Variants in UPRT observed in about 807,000 individuals in gnomAD.
UPRT encodes the protein RP11-311P8.3.
UPRT carries 5 observed loss-of-function variants against 22.6 expected under a neutral mutation model. That is an observed-to-expected ratio of 0.22 (90% CI 0.12 to 0.47). The LOEUF (loss-of-function observed/expected upper bound fraction) is 0.47. UPRT is among the 20% of genes least tolerant of loss of function. UPRT has a pLI of 0.99. For missense variants in UPRT, 181 were observed against 239.9 expected, an observed-to-expected ratio of 0.75 and a Z score of 1.62; for synonymous variants, 77 against 87.7, an observed-to-expected ratio of 0.88 and a Z score of 0.68.
intron 1 of UPRT, among the ~76,000 whole-genome samples, chrX:75,160,004 G>C (rs1374630854): frequency 9.1e-6 from 1 of 110,033 alleles, no homozygotes; most frequent in Non-Finnish European, 1.9e-5. Flanking sequence ...TCCTGACCTC[G>C]TGATCCACCT....
intron 3 of UPRT, among the ~76,000 whole-genome samples, chrX:75,167,698 G>A (rs1205870312): frequency 9.0e-6 from 1 of 110,856 alleles, no homozygotes; most frequent in African/African-American, 3.3e-5. Flanking sequence ...CTTTTGAAAA[G>A]TGTCTGTCCA....
intron 4 of UPRT, among the ~76,000 whole-genome samples, chrX:75,223,648 A>G (rs2082416130): frequency 9.0e-6 from 1 of 111,587 alleles, no homozygotes; most frequent in South Asian, 3.8e-4. Flanking sequence ...GCAAAGTCCC[A>G]CAATCACTGC....
intron 4 of UPRT, among the ~76,000 whole-genome samples, chrX:75,218,130 C>A (rs2082398853): frequency 8.9e-6 from 1 of 111,762 alleles, no homozygotes; most frequent in Admixed American, 9.5e-5. Context: ...ATTTTCACAA[C>A]CTACTCATCT....
At chrX:75,289,566 A>G (rs753836208) in intron 1 of UPRT, among the ~76,000 whole-genome samples, 46 of 111,793 alleles carry the variant, frequency 4.1e-4, no homozygotes, top group Non-Finnish European at 7.0e-4. Flanking sequence ...ACTATACTAC[A>G]AGGCCACAGT....
intron 4 of UPRT, among the ~76,000 whole-genome samples, chrX:75,188,566 A>C (rs1366738947): frequency 8.9e-6 from 1 of 112,651 alleles, no homozygotes; most frequent in Non-Finnish European, 1.9e-5. Context: ...TTGAGCTTCC[A>C]GGCTGCTTTG....
chrX:75,199,816 C>T (rs1245799757), intron 4 of UPRT, among the ~76,000 whole-genome samples: 1 of 111,601 alleles, frequency 9.0e-6, no homozygotes, highest in African/African-American at 3.3e-5. Context: ...CATAGGTATA[C>T]ACGTGCCATA....
chrX:75,170,820 C>G (rs761837648), intron 4 of UPRT, among the ~76,000 whole-genome samples: 2 of 111,307 alleles, frequency 1.8e-5, no homozygotes, highest in Non-Finnish European at 3.8e-5. Flanking sequence ...AAGGCTATCT[C>G]TCCTTCATTT....
At position 75,274,105 on chromosome X, in the gene UPRT, A is replaced by C; in HGVS notation, c.-150A>C. On this transcript the variant is annotated 5_prime_UTR_variant, in exon 1 of 7. Coordinates refer to ENST00000373383, the MANE Select transcript of UPRT (RefSeq NM_145052.4). Reference sequence around the variant, plus strand: ...GAGCCAAAGTGTGCTAAAGGAAACCAACAGCGGCCTAGGGGTGAAAGGACA... The same window carrying C: ...GAGCCAAAGTGTGCTAAAGGAAACCCACAGCGGCCTAGGGGTGAAAGGACA... 1.1e-6 allele frequency: 1 copy of C among 893,176 alleles called. No homozygotes were observed. Among genetic ancestry groups the C allele is most frequent in the South Asian group, 2.9e-5 (1 of 34,917 alleles). 73.6% of individuals were successfully genotyped at this position (893,176 alleles called of 1,213,427 possible). A position where few individuals can be genotyped will look rare whatever the true frequency, so the allele number is the denominator to read the frequency against.
intron 4 of UPRT, among the ~76,000 whole-genome samples, chrX:75,206,222 G>A (rs1186720453): frequency 9.0e-6 from 1 of 111,091 alleles, no homozygotes; most frequent in Non-Finnish European, 1.9e-5. Flanking sequence ...TTTCGGTGGT[G>A]GTAGGGAAAG....
chrX:75,280,404 G>T (rs1383116822), intron 1 of UPRT, among the ~76,000 whole-genome samples: 1 of 111,914 alleles, frequency 8.9e-6, no homozygotes, highest in Admixed American at 9.4e-5. Context: ...ATAGTTTCAG[G>T]TCTTAGATTT....
At chrX:75,204,219 G>A (rs1194379547) in intron 4 of UPRT, among the ~76,000 whole-genome samples, 3 of 111,202 alleles carry the variant, frequency 2.7e-5, no homozygotes, top group African/African-American at 9.8e-5. Context: ...CTGCTATCCC[G>A]GTGCTGAGTG....
Position 75,178,907 on chromosome X carries a change from T to C in UPRT, c.-447+11028T>C, listed in dbSNP as rs1185739892. The stretch of plus-strand genomic sequence containing the variant: ...CGCAGCCTGCTTTTATTCTCTTATC[T>C]GGCCTCACCTACATCCTGCTGATTG... On this transcript the variant is annotated intron_variant, in intron 4 of 13. Coordinates refer to the UPRT transcript ENST00000652605. Among the ~76,000 whole-genome samples, 3 of 112,085 alleles carry C rather than the reference T, an allele frequency of 2.7e-5. No homozygotes were observed. The East Asian group carries it at 8.5e-4, about 32-fold the overall frequency.
rs758937946 is a variant in UPRT at position 75,192,015 on chromosome X, G to A, written c.-447+24136G>A. 4.4e-4 allele frequency among the ~76,000 whole-genome samples: 49 copies of A among 111,470 alleles called. No homozygotes were observed. The Middle Eastern group carries it at 0.018, about 42-fold the overall frequency. The stretch of plus-strand genomic sequence containing the variant: ...CCAGTGAGATGAACCTGGTACCTCC[G>A]TTGGTAATGCAGAAATCACCTGTTT... On this transcript the variant is annotated intron_variant, in intron 4 of 13. Transcript: ENST00000652605.
At chrX:75,196,209 G>A (rs1049590223) in intron 4 of UPRT, among the ~76,000 whole-genome samples, 6 of 111,757 alleles carry the variant, frequency 5.4e-5, no homozygotes, top group Non-Finnish European at 1.1e-4. Context: ...TCTGTTGCCC[G>A]GGCTGGAGTG....
intron 4 of UPRT, among the ~76,000 whole-genome samples, chrX:75,180,145 C>T (rs1336145995): frequency 8.9e-6 from 1 of 112,383 alleles, no homozygotes; most frequent in Non-Finnish European, 1.9e-5. Flanking sequence ...CGAGTTCTGG[C>T]CAGGAGACTT....
chrX:75,203,283 C>T (rs1282086719), intron 4 of UPRT, among the ~76,000 whole-genome samples: 1 of 110,810 alleles, frequency 9.0e-6, no homozygotes, highest in African/African-American at 3.3e-5. Flanking sequence ...ACAGGAGCAC[C>T]CAGATTCATA....
intron 1 of UPRT, among the ~76,000 whole-genome samples, chrX:75,288,777 C>G (rs745456775): frequency 7.2e-5 from 8 of 111,566 alleles, no homozygotes; most frequent in Admixed American, 1.9e-4. Flanking sequence ...AAAACTGGAA[C>G]AAGACAAGGA....
chrX:75,219,730 ATTAGAG>A (rs1439463649), intron 4 of UPRT, among the ~76,000 whole-genome samples: 1 of 111,384 alleles, frequency 9.0e-6, no homozygotes, highest in African/African-American at 3.3e-5. Flanking sequence ...AGCCATTATT[ATTAGAG>A]TTAAAGAGAA....
chrX:75,249,625 C>G (rs1044158641), intron 4 of UPRT, among the ~76,000 whole-genome samples: 6 of 110,880 alleles, frequency 5.4e-5, no homozygotes, highest in Non-Finnish European at 9.4e-5. Flanking sequence ...ACTCTAACAC[C>G]CCACTGTCAA....
Sources: gnomAD v4.1 joint callset for allele counts (sites outside exome capture counted in the v4.1 genomes callset) on GRCh38, gnomAD v4.1.1 for gene constraint, MANE v1.5 for transcripts, NCBI Gene and HGNC (gene_info 2026-07-23, HGNC 2026-07-21) for gene names.